Variants in TNPO1 observed in about 807,000 individuals in gnomAD.
TNPO1 encodes transportin 1, also known as transportin-1.
In TNPO1, 8 loss-of-function variants were observed where a neutral mutation model predicts 119.5. That is an observed-to-expected ratio of 0.07 (90% confidence interval 0.04 to 0.12). The LOEUF (loss-of-function observed/expected upper bound fraction) is 0.12. TNPO1 is among the 10% of genes least tolerant of loss of function. TNPO1 has a pLI of 1.00. For missense variants in TNPO1, 576 were observed against 1,089.8 expected (o/e 0.53, Z 6.64); for synonymous variants, 362 against 363.0 (o/e 1.00, Z 0.03).
intron 22 of TNPO1, among the ~76,000 whole-genome samples, chr5:72,902,590 T>G (rs1024101460): frequency 6.6e-6 from 1 of 152,108 alleles, no homozygotes; most frequent in African/African-American, 2.4e-5. Context: ...ATGTACCATC[T>G]TTTTCAAAAG....
chr5:72,881,408 A>T (rs751187501), intron 9 of TNPO1, among the ~76,000 whole-genome samples: 4 of 152,204 alleles, frequency 2.6e-5, no homozygotes, highest in Non-Finnish European at 5.9e-5. Context: ...CAAACATCAG[A>T]GCCACGAATA....
rs145887759 is a variant in TNPO1 at position 72,878,983 on chromosome 5, C to T, written c.920+1637C>T. 361 of 472,266 alleles carry T rather than the reference C, an allele frequency of 7.6e-4. 3 individuals are homozygous for T. The highest frequency in any genetic ancestry group is 6.8e-3 in the African/African-American group (335 of 49,336). The allele number at this position is 472,266 out of a possible 1,614,324, so 29.3% of individuals were successfully genotyped here. A position where few individuals can be genotyped will look rare whatever the true frequency, so the allele number is the denominator to read the frequency against. On this transcript the variant is annotated intron_variant, in intron 9 of 24. Coordinates refer to ENST00000337273, the MANE Select transcript of TNPO1 (RefSeq NM_002270.4). ...ACTGTTTCCATGGGCCCAGATTACT[C>T]TGGCTTTGTTTAGTTTGCCGCCAGG... is the stretch of plus-strand genomic sequence containing the variant.
intron 2 of TNPO1, 112 bp from the exon 3 acceptor site, chr5:72,851,132 A>G: frequency 1.5e-6 from 1 of 687,102 alleles, no homozygotes; most frequent in Non-Finnish European, 2.5e-6. Context: ...GTTTAAAAAA[A>G]AAACGCAGGA....
chr5:72,853,581 T>C (rs1016989490), intron 3 of TNPO1, among the ~76,000 whole-genome samples: 5 of 152,216 alleles, frequency 3.3e-5, no homozygotes, highest in Admixed American at 1.3e-4. Flanking sequence ...GTGTTTCTTA[T>C]GTTCATTATG....
rs373202276 is a variant in TNPO1 at position 72,875,597 on chromosome 5, T to C, written c.679-18T>C. ...TAAGCCTTTCTAAAACTAGAAAAAA[T>C]TATTTCTTGTGCAACAGAATCTCTT... On this transcript the variant is annotated intron_variant, in intron 7 of 24. Coordinates refer to ENST00000337273, the MANE Select transcript of TNPO1 (RefSeq NM_002270.4). The C allele has an allele frequency of 3.1e-6, 5 of 1,607,422 alleles. No individual in the cohort carries two copies. Among genetic ancestry groups the C allele is most frequent in the Non-Finnish European group, 4.3e-6 (5 of 1,175,068 alleles).
Position 72,875,731 on chromosome 5 carries a change from A to T in TNPO1, c.795A>T (p.Ile265=). The T allele has an allele frequency of 6.2e-7, 1 of 1,602,706 alleles. No individual in the cohort carries two copies. Among genetic ancestry groups the T allele is most frequent in the Non-Finnish European group, 8.5e-7 (1 of 1,171,364 alleles). The part of the protein sequence containing the change: ...MDRLLPHMHN[I]VEYMLQRTQD... Reference sequence around the variant, plus strand: ...GCCTGCTTCCTCACATGCATAATATAGTTGAGGTAACACTGGCAATTTAAA... The same window carrying T: ...GCCTGCTTCCTCACATGCATAATATTGTTGAGGTAACACTGGCAATTTAAA... Residue 265 remains isoleucine, a synonymous_variant, in exon 8 of 25, where the codon ATA becomes ATT. Transcript: ENST00000337273.
rs1172265335 is a variant in TNPO1, at chr5:72,896,474, A to G, written c.2160A>G (p.Ile720Met). 4 of 1,612,114 alleles carry G rather than the reference A, an allele frequency of 2.5e-6. No individual in the cohort carries two copies. Among genetic ancestry groups the G allele is most frequent in the Non-Finnish European group, 3.4e-6 (4 of 1,179,604 alleles). The part of the protein sequence containing the change: ...VKPCIADFMP[I>M]LGTNLNPEFI... ...TTTTTCTAGCTGATTTCATGCCAAT[A>G]TTGGGAACCAACCTAAATCCAGAAT... Residue 720 changes from isoleucine (I) to methionine (M), a missense_variant, in exon 19 of 25, where the codon ATA (isoleucine) becomes ATG (methionine). Physicochemically the swap from Ile to Met is conservative, Grantham distance 10. Around this residue, in one of 6 missense-constraint regions of TNPO1, gnomAD observed 162 missense variants for 294.1 expected, o/e 0.55. Transcript: ENST00000337273.
intron 23 of TNPO1, among the ~76,000 whole-genome samples, 191 bp from the exon 24 acceptor site, chr5:72,905,112 T>C (rs925898912): frequency 1.3e-5 from 2 of 151,912 alleles, no homozygotes; most frequent in African/African-American, 4.8e-5. Context: ...CAATTCAAGA[T>C]GAGATTTGGG....
chr5:72,888,310 C>T lies in TNPO1; in HGVS notation c.1529+7C>T. On this transcript the variant is annotated splice_region_variant and intron_variant, in intron 13 of 24. Coordinates refer to ENST00000337273, the MANE Select transcript of TNPO1 (RefSeq NM_002270.4). ...TACAAGAAGCTGCCTGCAGGTGGGA[C>T]AGATTCATAACACAGTGTTCTTTGT... The T allele has an allele frequency of 1.2e-6, 2 of 1,610,058 alleles. No homozygotes were observed. Among genetic ancestry groups the T allele is most frequent in the Non-Finnish European group, 1.7e-6 (2 of 1,176,438 alleles).
At chr5:72,816,826 C>A in intron 1 of TNPO1, 74 bp downstream of exon 1, 1 of 1,510,400 alleles carries the variant, frequency 6.6e-7, no homozygotes, top group Non-Finnish European at 8.9e-7. Context: ...AGCTGCCTGA[C>A]GCGCCTACGG....
At position 72,900,962 on chromosome 5, in the gene TNPO1, G is replaced by T; in HGVS notation, c.2415-12G>T. 6.3e-7 allele frequency: 1 copy of T among 1,589,360 alleles called. No individual in the cohort carries two copies. Reference sequence around the variant, plus strand: ...TTACTTAAATGCTAAACTCAATTCTGTAATTCAATAGGTGCACCTCTCTGA... The same window carrying T: ...TTACTTAAATGCTAAACTCAATTCTTTAATTCAATAGGTGCACCTCTCTGA... On this transcript the variant is annotated splice_polypyrimidine_tract_variant and intron_variant, in intron 21 of 24. Coordinates refer to ENST00000337273, the MANE Select transcript of TNPO1 (RefSeq NM_002270.4).
chr5:72,821,732 C>T (rs1450356754), intron 1 of TNPO1, among the ~76,000 whole-genome samples: 1 of 152,006 alleles, frequency 6.6e-6, no homozygotes, highest in Non-Finnish European at 1.5e-5. Flanking sequence ...TCTGTAAAAA[C>T]ACCAAGAAAG....
Position 72,877,179 on chromosome 5 carries a change from A to T in TNPO1, c.802-49A>T, listed in dbSNP as rs747198871. On this transcript the variant is annotated intron_variant, in intron 8 of 24. Transcript: ENST00000337273. ...TTGATAATAGGACTGAATTGATACT[A>T]ATGGTGTGATTTTTAAACTGACTAA... is the stretch of plus-strand genomic sequence containing the variant. The T allele has an allele frequency of 3.0e-5, 30 of 1,009,926 alleles. No individual in the cohort carries two copies. In the East Asian group the frequency reaches 6.4e-4, roughly 22 times the overall value. The allele number at this position is 1,009,926 out of a possible 1,614,324, so 62.6% of individuals were successfully genotyped here.
Position 72,821,679 on chromosome 5 carries a change from TAAAC to T in TNPO1, c.15+4930_15+4933del, listed in dbSNP as rs1332256316. Among the ~76,000 whole-genome samples the T allele has an allele frequency of 4.6e-5, 7 of 152,122 alleles. No homozygotes were observed. In the Middle Eastern group the frequency reaches 9.5e-3, roughly 206 times the overall value. ...ACTAGTGGAGAAAGAGATATGTAAA[TAAAC>T]AAGTTCAATAAGTGTATTTACAGCT... On this transcript the variant is annotated intron_variant, in intron 1 of 24. Coordinates refer to ENST00000337273, the MANE Select transcript of TNPO1 (RefSeq NM_002270.4).
At chr5:72,840,156 T>C (rs1011591319) in intron 1 of TNPO1, among the ~76,000 whole-genome samples, 25 of 152,216 alleles carry the variant, frequency 1.6e-4, no homozygotes, top group Middle Eastern at 3.4e-3. Flanking sequence ...TGTTAAGTTC[T>C]CTAAGGGTTA....
At chr5:72,874,469 G>A (rs1220959292) in intron 7 of TNPO1, among the ~76,000 whole-genome samples, 1 of 152,124 alleles carries the variant, frequency 6.6e-6, no homozygotes, top group Non-Finnish European at 1.5e-5. Flanking sequence ...CAACCCAGTT[G>A]CTGTTCTCTA....
chr5:72,830,577 T>C (rs965723810), intron 1 of TNPO1, among the ~76,000 whole-genome samples: 1 of 152,212 alleles, frequency 6.6e-6, no homozygotes, highest in Non-Finnish European at 1.5e-5. Context: ...AAGAAATGTT[T>C]GCTTTTGATT....
chr5:72,851,234 T>C lies in TNPO1; in HGVS notation c.130-10T>C. On this transcript the variant is annotated splice_polypyrimidine_tract_variant and intron_variant, in intron 2 of 24. Transcript: ENST00000337273. ...CACAGAGAAGTTTCCTTAACTACTG[T>C]TTGTTCTAGAAACTGGAACAACTTA... The C allele has an allele frequency of 1.3e-6, 2 of 1,554,410 alleles. No homozygotes were observed. Among genetic ancestry groups the C allele is most frequent in the Non-Finnish European group, 1.8e-6 (2 of 1,133,674 alleles).
chr5:72,835,345 T>C (rs1420090077), intron 1 of TNPO1, among the ~76,000 whole-genome samples: 2 of 152,234 alleles, frequency 1.3e-5, no homozygotes, highest in African/African-American at 4.8e-5. Context: ...TGTTGCAAAA[T>C]ACCTTAGACT....
Sources: allele counts gnomAD v4.1 joint callset (sites outside exome capture counted in the v4.1 genomes callset), GRCh38; gene constraint gnomAD v4.1.1; regional missense constraint gnomAD v4.1.1; transcripts MANE v1.5; gene names NCBI Gene and HGNC (gene_info 2026-07-23, HGNC 2026-07-21).